SMYD3: variants seen among roughly 807,000 people sequenced by gnomAD.
The protein encoded by SMYD3 is SET and MYND domain containing 3.
A neutral mutation model predicts 57.7 loss-of-function variants in SMYD3; 36 were observed. That is an observed-to-expected ratio of 0.62 (90% CI 0.48 to 0.82). The LOEUF (loss-of-function observed/expected upper bound fraction) is 0.82. SMYD3 is among the 40% of genes least tolerant of loss of function. The pLI is 0.00. For synonymous variants in SMYD3, 211 were observed against 195.0 expected (o/e 1.08, Z -0.68); for missense variants, 515 against 538.8 (o/e 0.96, Z 0.44).
At chr1:246,453,918 A>G (rs2067665965) in intron 1 of SMYD3, among the ~76,000 whole-genome samples, 1 of 152,166 alleles carries the variant, frequency 6.6e-6, no homozygotes, top group Admixed American at 6.5e-5. Flanking sequence ...CTAATAAAGC[A>G]CTGAAGTTGG....
intron 5 of SMYD3, among the ~76,000 whole-genome samples, chr1:246,257,794 C>T (rs1413413508): frequency 2.0e-5 from 3 of 152,006 alleles, no homozygotes; most frequent in South Asian, 4.1e-4. Flanking sequence ...GATCTGTGTC[C>T]CCAAAAACTC....
intron 5 of SMYD3, among the ~76,000 whole-genome samples, chr1:245,967,909 T>A (rs2058196979): frequency 6.6e-6 from 1 of 152,224 alleles, no homozygotes; most frequent in African/African-American, 2.4e-5. Flanking sequence ...TGCTTACTTG[T>A]CACTTCCAGT....
intron 10 of SMYD3, among the ~76,000 whole-genome samples, chr1:245,790,821 ACT>A (rs2047237994): frequency 6.6e-6 from 1 of 152,058 alleles, no homozygotes; most frequent in Non-Finnish European, 1.5e-5. Flanking sequence ...AGACTGGATG[ACT>A]CTGTTCCATC....
At chr1:245,951,364 T>C (rs2057635997) in intron 5 of SMYD3, among the ~76,000 whole-genome samples, 1 of 135,314 alleles carries the variant, frequency 7.4e-6, no homozygotes, top group Non-Finnish European at 1.5e-5. Flanking sequence ...GGTCAGGAGA[T>C]CGAGACCATC....
chr1:246,102,552 C>G (rs1039475972), intron 5 of SMYD3, among the ~76,000 whole-genome samples: 1 of 152,126 alleles, frequency 6.6e-6, no homozygotes, highest in Non-Finnish European at 1.5e-5. Context: ...TTCCTCTAAA[C>G]CCTACAGTCC....
At chr1:246,396,011 T>C (rs2066665407) in intron 1 of SMYD3, among the ~76,000 whole-genome samples, 1 of 152,172 alleles carries the variant, frequency 6.6e-6, no homozygotes, top group Non-Finnish European at 1.5e-5. Context: ...TAGCTAAATA[T>C]CTGAGGTAGT....
At chr1:246,363,500 A>G (rs548096568) in intron 1 of SMYD3, among the ~76,000 whole-genome samples, 16 of 152,218 alleles carry the variant, frequency 1.1e-4, no homozygotes, top group Admixed American at 4.6e-4. Flanking sequence ...TGGGGAAAAA[A>G]CTGAGAAATC....
At chr1:245,978,082 C>T (rs952533678) in intron 5 of SMYD3, among the ~76,000 whole-genome samples, 2 of 152,220 alleles carry the variant, frequency 1.3e-5, no homozygotes, top group Admixed American at 6.5e-5. Flanking sequence ...TACACCAGCA[C>T]GCCTGGCTCT....
intron 11 of SMYD3, among the ~76,000 whole-genome samples, chr1:245,754,514 C>T (rs1055619967): frequency 1.3e-5 from 2 of 152,018 alleles, no homozygotes; most frequent in Non-Finnish European, 2.9e-5. Context: ...TGGTCTGGGG[C>T]ATTCAAAGGA....
chr1:245,996,668 G>A (rs184288343), intron 5 of SMYD3, among the ~76,000 whole-genome samples: 9 of 152,256 alleles, frequency 5.9e-5, no homozygotes, highest in Admixed American at 2.6e-4. Flanking sequence ...AAGTAGAGGC[G>A]TAACTCCAAC....
intron 5 of SMYD3, among the ~76,000 whole-genome samples, chr1:246,242,348 A>C (rs2063627919): frequency 6.6e-6 from 1 of 152,128 alleles, no homozygotes; most frequent in African/African-American, 2.4e-5. Context: ...TTCGTTATGT[A>C]CCCAGTAGTC....
intron 1 of SMYD3, among the ~76,000 whole-genome samples, chr1:246,486,104 T>G (rs1164367269): frequency 6.6e-6 from 1 of 152,260 alleles, no homozygotes; most frequent in Admixed American, 6.5e-5. Context: ...CGCTGGATGC[T>G]GAACACTTTA....
intron 5 of SMYD3, among the ~76,000 whole-genome samples, chr1:246,123,346 T>C (rs1030021691): frequency 7.2e-5 from 11 of 152,066 alleles, no homozygotes; most frequent in African/African-American, 2.4e-5. Flanking sequence ...GGTGGGCAGA[T>C]CATGAGGCCA....
At chr1:246,070,668 G>A (rs542936015) in intron 5 of SMYD3, among the ~76,000 whole-genome samples, 6 of 152,114 alleles carry the variant, frequency 3.9e-5, no homozygotes, top group Non-Finnish European at 5.9e-5. Context: ...CAAAGTGAAT[G>A]GCGAGATAAA....
At chr1:246,325,572 C>T (rs987528065) in intron 5 of SMYD3, among the ~76,000 whole-genome samples, 1 of 152,008 alleles carries the variant, frequency 6.6e-6, no homozygotes, top group Non-Finnish European at 1.5e-5. Context: ...TTAATCATAG[C>T]AACAGAATTT....
At chr1:246,188,048 T>C (rs1352274689) in intron 5 of SMYD3, among the ~76,000 whole-genome samples, 1 of 152,128 alleles carries the variant, frequency 6.6e-6, no homozygotes, top group Non-Finnish European at 1.5e-5. Context: ...GAATGTATAA[T>C]AAATATCGAT....
chr1:246,206,184 T>G (rs77189969), intron 5 of SMYD3, among the ~76,000 whole-genome samples: 1 of 152,058 alleles, frequency 6.6e-6, no homozygotes, highest in Admixed American at 6.5e-5. Context: ...TATAAAAATC[T>G]AGATACAACT....
intron 5 of SMYD3, among the ~76,000 whole-genome samples, chr1:246,262,881 C>T (rs2064037134): frequency 6.6e-6 from 1 of 152,102 alleles, no homozygotes; most frequent in African/African-American, 2.4e-5. Context: ...TGATTATAGA[C>T]ATCTAGGAAA....
intron 5 of SMYD3, among the ~76,000 whole-genome samples, chr1:246,007,657 A>G (rs998201184): frequency 4.0e-5 from 6 of 151,040 alleles, no homozygotes; most frequent in African/African-American, 9.7e-5. Context: ...AAAAATAGAA[A>G]AAAAAAAAAA....
Sources: allele counts gnomAD v4.1 joint callset (sites outside exome capture counted in the v4.1 genomes callset), GRCh38; gene constraint gnomAD v4.1.1; transcripts MANE v1.5; gene names NCBI Gene and HGNC (gene_info 2026-07-23, HGNC 2026-07-21).